The following IL1R1 variants were observed in gnomAD, a reference collection of about 807,000 sequenced individuals.
IL1R1 encodes the protein interleukin 1 receptor type 1, also known as interleukin-1 receptor type 1.
Under a neutral mutation model 50.2 loss-of-function variants are expected in IL1R1, and 22 were observed. The observed-to-expected ratio is 0.44, with a 90% CI of 0.31 to 0.63. The LOEUF (loss-of-function observed/expected upper bound fraction) is 0.63. IL1R1 is among the 20% of genes least tolerant of loss of function. The pLI, the probability that IL1R1 is intolerant of heterozygous loss-of-function variation, is 0.07. For synonymous variants in IL1R1, 251 were observed against 236.7 expected, an observed-to-expected ratio of 1.06 and a Z score of -0.55; for missense variants, 509 against 676.2, an observed-to-expected ratio of 0.75 and a Z score of 2.74.
chr2:102,084,939 C>T (rs1046431427), intron 1 of IL1R1, among the ~76,000 whole-genome samples: 1 of 152,168 alleles, frequency 6.6e-6, no homozygotes, highest in African/African-American at 2.4e-5. Context: ...TAAGAGTGTC[C>T]CGCAATTTCA....
chr2:102,083,061 T>A (rs932162990), intron 1 of IL1R1, among the ~76,000 whole-genome samples: 1 of 152,142 alleles, frequency 6.6e-6, no homozygotes, highest in African/African-American at 2.4e-5. Flanking sequence ...TAAGCTTCTG[T>A]AGGGCTGGCA....
intron 1 of IL1R1, among the ~76,000 whole-genome samples, chr2:102,090,918 T>C (rs1352168234): frequency 6.6e-6 from 1 of 152,246 alleles, no homozygotes; most frequent in Non-Finnish European, 1.5e-5. Context: ...CTAATGTTAT[T>C]AATGATCAGG....
intron 1 of IL1R1, among the ~76,000 whole-genome samples, chr2:102,095,010 G>T (rs1679838495): frequency 6.6e-6 from 1 of 152,166 alleles, no homozygotes; most frequent in Non-Finnish European, 1.5e-5. Flanking sequence ...TCACTATTTT[G>T]GTGGTGGTGA....
intron 1 of IL1R1, among the ~76,000 whole-genome samples, chr2:102,085,948 ACTGT>A (rs66755627): frequency 0.077 from 11,639 of 151,954 alleles, 601 homozygotes; most frequent in Middle Eastern, 0.11. Context: ...CAGAAGAATC[ACTGT>A]CTGTGTCAGC....
intron 1 of IL1R1, among the ~76,000 whole-genome samples, chr2:102,091,258 T>C (rs1423790766): frequency 1.3e-5 from 2 of 152,224 alleles, no homozygotes. Context: ...TTTCTTTCTT[T>C]CTTTTAATCT....
At chr2:102,087,071 G>A (rs1446536606) in intron 1 of IL1R1, among the ~76,000 whole-genome samples, 1 of 152,026 alleles carries the variant, frequency 6.6e-6, no homozygotes, top group African/African-American at 2.4e-5. Context: ...GCATGTAAAA[G>A]TTATGTTTAC....
intron 1 of IL1R1, among the ~76,000 whole-genome samples, chr2:102,081,978 A>G (rs1042369329): frequency 1.1e-4 from 17 of 152,226 alleles, no homozygotes; most frequent in Non-Finnish European, 2.4e-4. Flanking sequence ...ATTGTTTATC[A>G]AATGTTAGCC....
chr2:102,163,018 A>T (rs1044485801), intron 3 of IL1R1, among the ~76,000 whole-genome samples: 2 of 152,080 alleles, frequency 1.3e-5, no homozygotes, highest in Non-Finnish European at 2.9e-5. Context: ...TTTTCATGGG[A>T]TATGGAATTC....
At chr2:102,115,706 G>A (rs1211538616) in intron 1 of IL1R1, among the ~76,000 whole-genome samples, 3 of 152,076 alleles carry the variant, frequency 2.0e-5, no homozygotes. Context: ...GGGGGGAGAA[G>A]GCGGAAGAAG....
intron 10 of IL1R1, 77 bp downstream of exon 10, chr2:102,174,807 G>A (rs923978767): frequency 3.0e-5 from 36 of 1,215,338 alleles, no homozygotes; most frequent in African/African-American, 2.2e-4. Flanking sequence ...TGACTAAGAG[G>A]GTTTTTACTA....
At chr2:102,172,878 G>C in intron 9 of IL1R1, 40 bp downstream of exon 9, 1 of 1,442,236 alleles carries the variant, frequency 6.9e-7, no homozygotes, top group Non-Finnish European at 9.6e-7. Context: ...TTGTTTTACT[G>C]TAGTAAGATT....
intron 1 of IL1R1, among the ~76,000 whole-genome samples, chr2:102,128,615 G>T (rs185066013): frequency 6.6e-6 from 1 of 152,212 alleles, no homozygotes; most frequent in African/African-American, 2.4e-5. Context: ...ATAGTATATT[G>T]TAGAGCTGGG....
At chr2:102,104,455 C>G (rs1329384220), upstream of IL1R1, 3 of 152,286 alleles carry the variant, frequency 2.0e-5, no homozygotes, top group Admixed American at 6.5e-5. Context: ...TAGAGGTTAC[C>G]GTGCAGTGGC....
chr2:102,113,843 T>G (rs1680915299), intron 1 of IL1R1, among the ~76,000 whole-genome samples: 2 of 152,210 alleles, frequency 1.3e-5, no homozygotes, highest in Non-Finnish European at 2.9e-5. Context: ...GGCTTTATGA[T>G]TTTTGATTTG....
intron 7 of IL1R1, 100 bp from the exon 8 acceptor site, chr2:102,171,701 G>T (rs368330738): frequency 3.4e-6 from 2 of 584,428 alleles, no homozygotes. Context: ...TTTTCTTTGT[G>T]CATTTCTATA....
At position 102,083,991 on chromosome 2, in the gene IL1R1, A is replaced by G. The variant is rs187080398; in HGVS notation, c.-84+13458A>G. Among the ~76,000 whole-genome samples, 95 of 152,078 alleles carry G rather than the reference A, an allele frequency of 6.2e-4. No homozygotes were observed. In the East Asian group the frequency reaches 9.7e-3, roughly 15 times the overall value. ...CAATATGTGCTTTAGCTAAATATTA[A>G]TTTTGTTTTTGCCCTGCCTTTTAGC... is the stretch of plus-strand genomic sequence containing the variant. On this transcript the variant is annotated intron_variant, in intron 1 of 11. Transcript: ENST00000409929.
At chr2:102,140,540 A>T (rs1282959285), upstream of IL1R1, among the ~76,000 whole-genome samples, 1 of 152,226 alleles carries the variant, frequency 6.6e-6, no homozygotes, top group African/African-American at 2.4e-5. Context: ...GATGTGGGCC[A>T]TTGGATTGCA....
At chr2:102,158,163 C>A (rs1191748576) in intron 3 of IL1R1, among the ~76,000 whole-genome samples, 1 of 152,186 alleles carries the variant, frequency 6.6e-6, no homozygotes, top group Non-Finnish European at 1.5e-5. Context: ...CTTTATGAAC[C>A]CACAGCTGGA....
At chr2:102,162,630 C>T (rs559395887) in intron 3 of IL1R1, among the ~76,000 whole-genome samples, 64 of 152,034 alleles carry the variant, frequency 4.2e-4, no homozygotes, top group African/African-American at 1.5e-3. Context: ...TTATCTCTGT[C>T]TGCCTTCAGG....
Sources: gnomAD v4.1 joint callset for allele counts (sites outside exome capture counted in the v4.1 genomes callset) on GRCh38, gnomAD v4.1.1 for gene constraint, MANE v1.5 for transcripts, NCBI Gene and HGNC (gene_info 2026-07-23, HGNC 2026-07-21) for gene names.